DOCK8: variants seen among roughly 807,000 people sequenced by gnomAD.
DOCK8 encodes the protein dedicator of cytokinesis 8.
In DOCK8, 141 loss-of-function variants were observed where a neutral mutation model predicts 245.6. The ratio of observed to expected loss-of-function variants is 0.57; its 90% CI spans 0.50 to 0.66. The LOEUF (loss-of-function observed/expected upper bound fraction) is 0.66, where lower values mean the gene tolerates loss of function less well. Ranked by LOEUF, DOCK8 falls within the 30% of genes least tolerant of loss-of-function variation. The probability of loss-of-function intolerance (pLI) is 0.00; values close to 1 mark genes in which losing one functional copy is unlikely to be tolerated. For missense variants in DOCK8, 2,965 were observed against 2,603.4 expected, an observed-to-expected ratio of 1.14 and a Z score of -3.02; for synonymous variants, 1,168 against 970.2, an observed-to-expected ratio of 1.20 and a Z score of -3.79.
At chr9:374,590 T>G (rs2053444699) in intron 18 of DOCK8, among the ~76,000 whole-genome samples, 2 of 150,880 alleles carry the variant, frequency 1.3e-5, no homozygotes, top group South Asian at 4.2e-4. Context: ...GCCTCCTTAG[T>G]AGCTGGGACT....
At chr9:312,786 G>T (rs1020378189) in intron 6 of DOCK8, 5 of 310,446 alleles carry the variant, frequency 1.6e-5, no homozygotes, top group African/African-American at 8.8e-5. Flanking sequence ...GAGAGGTGAC[G>T]ATTATTCAAG....
chr9:336,014 C>T (rs1161639592), intron 11 of DOCK8, among the ~76,000 whole-genome samples: 1 of 152,164 alleles, frequency 6.6e-6, no homozygotes, highest in African/African-American at 2.4e-5. Flanking sequence ...CTATCAGGGT[C>T]CCAGCCCAAG....
At chr9:429,465 A>C (rs2056628777) in intron 35 of DOCK8, among the ~76,000 whole-genome samples, 1 of 152,228 alleles carries the variant, frequency 6.6e-6, no homozygotes, top group Non-Finnish European at 1.5e-5. Context: ...CCTGGCTCAC[A>C]GTGCAGTTGA....
chr9:232,327 TGTTCATCAAG>T (rs1259250442), intron 1 of DOCK8, among the ~76,000 whole-genome samples: 1 of 152,236 alleles, frequency 6.6e-6, no homozygotes. Flanking sequence ...TTTACATCAA[TGTTCATCAAG>T]GATATTGGTC....
At chr9:264,662 T>C (rs1004750851) in intron 1 of DOCK8, among the ~76,000 whole-genome samples, 1 of 152,224 alleles carries the variant, frequency 6.6e-6, no homozygotes, top group Non-Finnish European at 1.5e-5. Context: ...TCTATAGATA[T>C]ATGTGTAGAT....
At chr9:254,221 T>C (rs2047716964) in intron 1 of DOCK8, among the ~76,000 whole-genome samples, 1 of 152,188 alleles carries the variant, frequency 6.6e-6, no homozygotes, top group East Asian at 1.9e-4. Flanking sequence ...AAGATCTCAC[T>C]GAGATGCAAT....
intron 1 of DOCK8, among the ~76,000 whole-genome samples, chr9:261,787 C>T (rs1235225732): frequency 6.6e-6 from 1 of 152,070 alleles, no homozygotes; most frequent in Admixed American, 6.6e-5. Context: ...TTGGTACATA[C>T]ATATTTAGAA....
chr9:386,257 G>C, intron 22 of DOCK8, 74 bp from the exon 23 acceptor site: 1 of 1,260,782 alleles, frequency 7.9e-7, no homozygotes, highest in Non-Finnish European at 1.2e-6. Context: ...TGAATTCTGA[G>C]GTTGTGATTT....
intron 40 of DOCK8, 70 bp downstream of exon 40, chr9:439,458 C>G (rs1272914443): frequency 4.4e-6 from 7 of 1,590,706 alleles, no homozygotes; most frequent in Non-Finnish European, 6.0e-6. Context: ...GCTGGGAACA[C>G]CTGGTCTTAA....
chr9:382,834 T>G, intron 22 of DOCK8, 149 bp downstream of exon 22: 3 of 1,055,154 alleles, frequency 2.8e-6, no homozygotes, highest in Non-Finnish European at 4.1e-6. Context: ...TTAACGTTCT[T>G]TAGAACAGAT....
chr9:388,536 A>G (rs2054050547), intron 23 of DOCK8, among the ~76,000 whole-genome samples: 1 of 151,656 alleles, frequency 6.6e-6, no homozygotes, highest in Admixed American at 6.6e-5. Flanking sequence ...TTGCATGCGT[A>G]CTGGACTCTG....
intron 44 of DOCK8, among the ~76,000 whole-genome samples, chr9:448,072 T>C (rs912170257): frequency 3.3e-5 from 5 of 152,176 alleles, no homozygotes; most frequent in Non-Finnish European, 2.9e-5. Context: ...CGTTCTTCCT[T>C]TTTTTCTGTG....
At chr9:398,991 T>C (rs1278936739) in intron 25 of DOCK8, among the ~76,000 whole-genome samples, 155 bp from the exon 26 acceptor site, 2 of 152,216 alleles carry the variant, frequency 1.3e-5, no homozygotes, top group Admixed American at 6.5e-5. Context: ...GTCATGGCTT[T>C]AGTTAAAGGA....
At chr9:323,709 G>A (rs1415244526) in intron 7 of DOCK8, among the ~76,000 whole-genome samples, 1 of 152,012 alleles carries the variant, frequency 6.6e-6, no homozygotes, top group Non-Finnish European at 1.5e-5. Flanking sequence ...TCTACTTTCT[G>A]CCTCTATGAA....
intron 14 of DOCK8, among the ~76,000 whole-genome samples, chr9:342,361 C>T (rs1474764286): frequency 6.9e-6 from 1 of 145,580 alleles, no homozygotes; most frequent in African/African-American, 2.5e-5. Flanking sequence ...TTTCTACTTA[C>T]CCAGATTTCC....
chr9:415,046 A>G (rs1564035146), intron 29 of DOCK8, 95 bp downstream of exon 29: 7 of 1,514,868 alleles, frequency 4.6e-6, no homozygotes, highest in Non-Finnish European at 6.4e-6. Flanking sequence ...CAGTGCTGAT[A>G]TGTTCATATG....
At chr9:452,927 G>A (rs1268662863) in intron 46 of DOCK8, 2 of 152,206 alleles carry the variant, frequency 1.3e-5, no homozygotes, top group South Asian at 2.1e-4. Context: ...ATATGAGTAT[G>A]AAGGATGTGA....
chr9:224,872 G>T (rs555917463), intron 1 of DOCK8, among the ~76,000 whole-genome samples: 1 of 152,272 alleles, frequency 6.6e-6, no homozygotes, highest in East Asian at 1.9e-4. Context: ...TCCCTTATCT[G>T]CTGGTTAACA....
intron 4 of DOCK8, among the ~76,000 whole-genome samples, chr9:290,360 T>C (rs1188305614): frequency 2.6e-5 from 4 of 152,182 alleles, no homozygotes; most frequent in Non-Finnish European, 5.9e-5. Flanking sequence ...TCTTCCAGTA[T>C]GGCCCAGGGA....
Sources: gnomAD v4.1 joint callset for allele counts (sites outside exome capture counted in the v4.1 genomes callset) on GRCh38, gnomAD v4.1.1 for gene constraint, MANE v1.5 for transcripts, NCBI Gene and HGNC (gene_info 2026-07-23, HGNC 2026-07-21) for gene names.